TANC2: variants seen among roughly 807,000 people sequenced by gnomAD.
TANC2 encodes the protein tetratricopeptide repeat, ankyrin repeat and coiled-coil containing 2, also known as protein TANC2.
Under a neutral mutation model 210.5 loss-of-function variants are expected in TANC2, and 26 were observed. That is an observed-to-expected ratio of 0.12 (90% CI 0.09 to 0.17). The LOEUF is 0.17. TANC2 is among the 10% of genes least tolerant of loss of function. The probability of loss-of-function intolerance (pLI) is 1.00; values close to 1 mark genes in which losing one functional copy is unlikely to be tolerated. For synonymous variants in TANC2, 931 were observed against 967.1 expected, an observed-to-expected ratio of 0.96 and a Z score of 0.69; for missense variants, 2,129 against 2,608.9, an observed-to-expected ratio of 0.82 and a Z score of 4.01.
intron 12 of TANC2, among the ~76,000 whole-genome samples, chr17:63,345,142 C>T (rs189909741): frequency 9.2e-5 from 14 of 152,148 alleles, no homozygotes; most frequent in South Asian, 2.1e-4. Flanking sequence ...AGAATAAATA[C>T]GATTTTCAGT....
chr17:63,043,187 G>A (rs936355717), intron 2 of TANC2, among the ~76,000 whole-genome samples: 8 of 151,998 alleles, frequency 5.3e-5, no homozygotes, highest in Non-Finnish European at 1.2e-4. Context: ...ATACATTCAC[G>A]TATCTTGTCT....
At chr17:63,165,102 C>A (rs1386933958) in intron 5 of TANC2, among the ~76,000 whole-genome samples, 1 of 151,842 alleles carries the variant, frequency 6.6e-6, no homozygotes, top group East Asian at 1.9e-4. Flanking sequence ...GGGCAACATA[C>A]CGAGACCCAC....
At chr17:63,087,286 G>A (rs993640532) in intron 3 of TANC2, among the ~76,000 whole-genome samples, 3 of 152,192 alleles carry the variant, frequency 2.0e-5, no homozygotes, top group Non-Finnish European at 2.9e-5. Context: ...AGGAACTGTG[G>A]TGAATAAACC....
At chr17:63,285,721 G>T (rs572916505) in intron 9 of TANC2, among the ~76,000 whole-genome samples, 37 of 152,332 alleles carry the variant, frequency 2.4e-4, no homozygotes, top group African/African-American at 8.2e-4. Flanking sequence ...GTGACAACAT[G>T]TGTGAAATAT....
chr17:63,213,210 T>A (rs1186586040), intron 7 of TANC2, among the ~76,000 whole-genome samples: 1 of 152,216 alleles, frequency 6.6e-6, no homozygotes, highest in Non-Finnish European at 1.5e-5. Context: ...GGGCTATGTT[T>A]CTGGCATATA....
In TANC2 at chr17:63,116,094, A is replaced by G. The variant is rs143238342; in HGVS notation, c.322+16737A>G. On this transcript the variant is annotated intron_variant, in intron 4 of 27. Transcript: ENST00000689528. ...GGTATAATAGGTAAATTTACCTAAT[A>G]TTTTGCTTTGTATTGTATCTGAATA... Among the ~76,000 whole-genome samples, 446 of 152,282 alleles carry G rather than the reference A, an allele frequency of 2.9e-3. 3 individuals carry two copies. Among genetic ancestry groups the G allele is most frequent in the African/African-American group, 9.7e-3 (403 of 41,562 alleles).
At chr17:62,986,286 G>T (rs939213875) in intron 1 of TANC2, among the ~76,000 whole-genome samples, 2 of 152,154 alleles carry the variant, frequency 1.3e-5, no homozygotes, top group African/African-American at 4.8e-5. Context: ...GGGTTTGGAA[G>T]CCGGGGACAT....
intron 4 of TANC2, among the ~76,000 whole-genome samples, chr17:63,142,778 G>A (rs1165549592): frequency 6.6e-6 from 1 of 152,062 alleles, no homozygotes; most frequent in Non-Finnish European, 1.5e-5. Context: ...TGAAATTAAT[G>A]GGTCTTCTGA....
rs1383411034 is a variant in TANC2, at chr17:63,098,148, A to G, written c.140-1027A>G. ...TGTTATCTTATCTCTGTTATTGTTA[A>G]TTAAGGGCTAGATGCTGTATGTGAT... On this transcript the variant is annotated intron_variant, in intron 3 of 27. Transcript: ENST00000689528. Among the ~76,000 whole-genome samples the G allele has an allele frequency of 2.6e-5, 4 of 151,934 alleles. No homozygotes were observed. The South Asian group carries it at 8.3e-4, about 32-fold the overall frequency.
In TANC2 at chr17:63,188,894, A is replaced by ACC. The variant is rs537170247; in HGVS notation, c.434-5089_434-5088dup. 6.7e-4 allele frequency among the ~76,000 whole-genome samples: 90 copies of ACC among 133,850 alleles called. 1 individual carries two copies. The highest frequency in any genetic ancestry group is 2.2e-3 in the African/African-American group (78 of 35,602). The allele number at this position is 133,850 out of a possible 152,430, so 87.8% of individuals were successfully genotyped here. ...CCACTAATTTTAGAGCATTTTTATC[A>ACC]CCCCCCCCCAAAAAAAAATGTCCCG... is the stretch of plus-strand genomic sequence containing the variant. On this transcript the variant is annotated intron_variant, in intron 5 of 27. Transcript: ENST00000689528.
intron 11 of TANC2, among the ~76,000 whole-genome samples, chr17:63,330,014 T>C (rs1035740205): frequency 2.0e-5 from 3 of 152,174 alleles, no homozygotes; most frequent in Non-Finnish European, 4.4e-5. Context: ...TTGAAGGAAA[T>C]TAAAAGTGCT....
At position 63,231,042 on chromosome 17, in the gene TANC2, A is replaced by T. The variant is rs140186720; in HGVS notation, c.770-6772A>T. 8.4e-3 allele frequency among the ~76,000 whole-genome samples: 1,281 copies of T among 151,908 alleles called. 14 individuals are homozygous for T. The highest frequency in any genetic ancestry group is 0.028 in the African/African-American group (1,172 of 41,410). On this transcript the variant is annotated intron_variant, in intron 7 of 27. Transcript: ENST00000689528. ...AATGCCCTTCTTTGTCTTTTTTTAA[A>T]TCTTTGTTGGTTTAAAGTCTGTTTT...
chr17:63,374,944 G>T (rs1429421472), intron 14 of TANC2, among the ~76,000 whole-genome samples: 2 of 152,162 alleles, frequency 1.3e-5, no homozygotes, highest in Admixed American at 6.5e-5. Flanking sequence ...GACTTTTCAG[G>T]AGAGAAAATA....
intron 2 of TANC2, among the ~76,000 whole-genome samples, chr17:63,010,060 GTTTTC>G (rs2033797966): frequency 6.6e-6 from 1 of 152,058 alleles, no homozygotes; most frequent in Non-Finnish European, 1.5e-5. Context: ...AAGTTTATGG[GTTTTC>G]TTTTTTAGAA....
At chr17:63,401,739 G>C (rs1024118730) in intron 19 of TANC2, among the ~76,000 whole-genome samples, 2 of 152,116 alleles carry the variant, frequency 1.3e-5, no homozygotes, top group Admixed American at 6.5e-5. Flanking sequence ...TGACAAGATT[G>C]TTCACCACAC....
rs2034685643 is a variant in TANC2, at chr17:63,029,545, T to C, written c.67+19919T>C. 2.6e-5 allele frequency among the ~76,000 whole-genome samples: 4 copies of C among 152,144 alleles called. No homozygotes were observed. In the South Asian group the frequency reaches 8.3e-4, roughly 31 times the overall value. The stretch of plus-strand genomic sequence containing the variant: ...ATAATTTACAAACCCTTTAGAACAG[T>C]GCTGTTCAGTACAACTTTCTCTGAT... On this transcript the variant is annotated intron_variant, in intron 2 of 27. Coordinates refer to ENST00000689528, the Ensembl canonical transcript of TANC2.
intron 7 of TANC2, among the ~76,000 whole-genome samples, chr17:63,205,419 A>G (rs1217892286): frequency 3.5e-5 from 5 of 141,572 alleles, no homozygotes; most frequent in African/African-American, 1.3e-4. Flanking sequence ...CATTTTTAAG[A>G]CTTAAATAGA....
At chr17:63,359,123 G>T (rs939562630) in intron 14 of TANC2, among the ~76,000 whole-genome samples, 4 of 151,760 alleles carry the variant, frequency 2.6e-5, no homozygotes, top group African/African-American at 9.7e-5. Flanking sequence ...GAGTGCAGTG[G>T]CACAGTCACG....
intron 5 of TANC2, among the ~76,000 whole-genome samples, chr17:63,162,162 G>A (rs1438107048): frequency 6.6e-6 from 1 of 152,116 alleles, no homozygotes; most frequent in African/African-American, 2.4e-5. Context: ...TAAAAAGCCA[G>A]GCATGGTGGC....
Sources: allele counts gnomAD v4.1 joint callset (sites outside exome capture counted in the v4.1 genomes callset), GRCh38; gene constraint gnomAD v4.1.1; transcripts MANE v1.5; gene names NCBI Gene and HGNC (gene_info 2026-07-23, HGNC 2026-07-21).